Variants in ITGB6 observed in about 807,000 individuals in gnomAD.
ITGB6 encodes the protein integrin subunit beta 6, also known as integrin beta-6.
In ITGB6, 80 loss-of-function variants were observed where a neutral mutation model predicts 84.5. That is an observed-to-expected ratio of 0.95 (90% CI 0.79 to 1.14). ITGB6 has a LOEUF of 1.14. ITGB6 is among the 50% of genes most tolerant of loss of function. ITGB6 has a pLI of 0.00. For missense variants in ITGB6, 1,006 were observed against 968.0 expected (o/e 1.04, Z -0.52); for synonymous variants, 383 against 354.9 (o/e 1.08, Z -0.89).
At chr2:160,119,320 A>G (rs1682927149) in intron 12 of ITGB6, among the ~76,000 whole-genome samples, 2 of 152,216 alleles carry the variant, frequency 1.3e-5, no homozygotes, top group Non-Finnish European at 2.9e-5. Context: ...AAACAGAGAT[A>G]TAGATCAATG....
intron 10 of ITGB6, among the ~76,000 whole-genome samples, chr2:160,128,924 G>A (rs1476595620): frequency 6.6e-6 from 1 of 152,076 alleles, no homozygotes; most frequent in Non-Finnish European, 1.5e-5. Context: ...ATATATATAT[G>A]GGCCTGAAGT....
At chr2:160,192,258 G>A (rs1686170826) in intron 4 of ITGB6, among the ~76,000 whole-genome samples, 1 of 152,096 alleles carries the variant, frequency 6.6e-6, no homozygotes, top group Non-Finnish European at 1.5e-5. Flanking sequence ...GGCATTAGTG[G>A]TTACATGGGT....
intron 14 of ITGB6, among the ~76,000 whole-genome samples, chr2:160,103,702 T>C (rs906277170): frequency 6.6e-6 from 1 of 152,112 alleles, no homozygotes; most frequent in Non-Finnish European, 1.5e-5. Flanking sequence ...AGAGACTCCA[T>C]TGAAGAAACA....
intron 7 of ITGB6, among the ~76,000 whole-genome samples, chr2:160,153,806 T>G (rs1684519308): frequency 6.6e-6 from 1 of 152,138 alleles, no homozygotes; most frequent in African/African-American, 2.4e-5. Flanking sequence ...AGAAGACATT[T>G]ATGCAGCCAA....
intron 7 of ITGB6, among the ~76,000 whole-genome samples, chr2:160,149,687 G>C (rs1479060083): frequency 6.6e-6 from 1 of 152,134 alleles, no homozygotes; most frequent in Non-Finnish European, 1.5e-5. Flanking sequence ...CGAACCCCTT[G>C]CAAGGAAGCT....
chr2:160,115,741 G>C (rs1386335554), intron 12 of ITGB6, among the ~76,000 whole-genome samples: 4 of 152,076 alleles, frequency 2.6e-5, no homozygotes, highest in Non-Finnish European at 5.9e-5. Context: ...TCAAATCAAT[G>C]GCAAAGAAGT....
chr2:160,119,325 T>A (rs1352326315), intron 12 of ITGB6, among the ~76,000 whole-genome samples: 1 of 152,076 alleles, frequency 6.6e-6, no homozygotes, highest in Non-Finnish European at 1.5e-5. Context: ...GAGATATAGA[T>A]CAATGGGATA....
chr2:160,187,905 G>C (rs1685968472), intron 4 of ITGB6, among the ~76,000 whole-genome samples: 1 of 151,984 alleles, frequency 6.6e-6, no homozygotes, highest in African/African-American at 2.4e-5. Context: ...GAGTCTAAGG[G>C]AGTCCTGAGA....
At chr2:160,128,562 A>G (rs1190844418) in intron 10 of ITGB6, among the ~76,000 whole-genome samples, 1 of 152,218 alleles carries the variant, frequency 6.6e-6, no homozygotes, top group Non-Finnish European at 1.5e-5. Context: ...ATATGAGACC[A>G]TGAACCAAGG....
rs1247752816 is a variant in ITGB6, at chr2:160,137,762, C to T, written c.1332G>A (p.Leu444=). 1 of 1,614,064 alleles carries T rather than the reference C, an allele frequency of 6.2e-7. No individual in the cohort carries two copies. Among genetic ancestry groups the T allele is most frequent in the East Asian group, 2.2e-5 (1 of 44,898 alleles). ...TGCATTCTGGGCTGACAAGTAATTCCAGGGCATCCCCCAGCCCCACAGGCT... is the reference window on the plus strand; with the variant it reads ...TGCATTCTGGGCTGACAAGTAATTCTAGGGCATCCCCCAGCCCCACAGGCT... ...IIKPVGLGDA[L]ELLVSPECNC... The change falls in exon 10 of 15, where the codon CTG becomes CTA. Residue 444 remains leucine, a synonymous_variant. Transcript: ENST00000283249.
intron 7 of ITGB6, among the ~76,000 whole-genome samples, chr2:160,163,706 G>A (rs1279152110): frequency 6.6e-6 from 1 of 152,018 alleles, no homozygotes; most frequent in African/African-American, 2.4e-5. Flanking sequence ...ACTATAGCAG[G>A]TTCAATTGTG....
At chr2:160,191,396 A>G (rs924793292) in intron 4 of ITGB6, among the ~76,000 whole-genome samples, 3 of 152,172 alleles carry the variant, frequency 2.0e-5, no homozygotes, top group Non-Finnish European at 4.4e-5. Flanking sequence ...GTGCCAGCCA[A>G]TGAGATGCAA....
At chr2:160,186,474 G>T (rs1015658130) in intron 4 of ITGB6, among the ~76,000 whole-genome samples, 1 of 152,194 alleles carries the variant, frequency 6.6e-6, no homozygotes, top group African/African-American at 2.4e-5. Context: ...AACAGATGCT[G>T]GAGAGGATGT....
chr2:160,125,194 T>C (rs1317507811), intron 11 of ITGB6, among the ~76,000 whole-genome samples: 2 of 152,258 alleles, frequency 1.3e-5, no homozygotes, highest in Non-Finnish European at 2.9e-5. Context: ...ATCATTGCTT[T>C]GCCCATGGCA....
intron 8 of ITGB6, among the ~76,000 whole-genome samples, chr2:160,139,624 T>A (rs2105821728): frequency 6.6e-6 from 1 of 152,322 alleles, no homozygotes; most frequent in African/African-American, 2.4e-5. Flanking sequence ...AAAGGAAATT[T>A]CAGCATTGCT....
chr2:160,193,435 T>C (rs1267928557), intron 4 of ITGB6, among the ~76,000 whole-genome samples: 1 of 152,170 alleles, frequency 6.6e-6, no homozygotes, highest in Non-Finnish European at 1.5e-5. Context: ...AAAACCAATA[T>C]AAATTATAGA....
chr2:160,128,083 A>G (rs1291417088), intron 10 of ITGB6, among the ~76,000 whole-genome samples: 2 of 152,224 alleles, frequency 1.3e-5, no homozygotes, highest in Admixed American at 6.5e-5. Flanking sequence ...CAAAGATTGT[A>G]TTAGGTATGA....
chr2:160,184,662 C>T (rs765816338), intron 4 of ITGB6, among the ~76,000 whole-genome samples: 1 of 152,094 alleles, frequency 6.6e-6, no homozygotes, highest in Non-Finnish European at 1.5e-5. Context: ...ACAAGCCTGG[C>T]AGAGACACAA....
At chr2:160,154,126 A>T (rs1476511520) in intron 7 of ITGB6, among the ~76,000 whole-genome samples, 1 of 152,250 alleles carries the variant, frequency 6.6e-6, no homozygotes, top group African/African-American at 2.4e-5. Context: ...ATAAAGACAC[A>T]TGCACATGTA....
Sources: gnomAD v4.1 joint callset for allele counts (sites outside exome capture counted in the v4.1 genomes callset) on GRCh38, gnomAD v4.1.1 for gene constraint, MANE v1.5 for transcripts, NCBI Gene and HGNC (gene_info 2026-07-23, HGNC 2026-07-21) for gene names.